The following CSMD1 variants were observed in gnomAD, a reference collection of about 807,000 sequenced individuals.
The protein encoded by CSMD1 is CUB and sushi domain-containing protein 1.
Under a neutral mutation model 417.5 loss-of-function variants are expected in CSMD1, and 213 were observed. The observed-to-expected ratio is 0.51, with a 90% CI of 0.46 to 0.57. The LOEUF is 0.57. Among genes scored for constraint, CSMD1 ranks in the 20% least tolerant of loss-of-function variants. The pLI is 0.00. For missense variants in CSMD1, 6,923 were observed against 4,529.7 expected (o/e 1.53, Z -15.17); for synonymous variants, 2,862 against 1,736.8 (o/e 1.65, Z -16.11).
intron 2 of CSMD1, among the ~76,000 whole-genome samples, chr8:4,623,580 G>A (rs1233813684): frequency 6.6e-6 from 1 of 151,848 alleles, no homozygotes; most frequent in Non-Finnish European, 1.5e-5. Context: ...GGTGAGGGGG[G>A]AACAAATGTC....
intron 3 of CSMD1, among the ~76,000 whole-genome samples, chr8:4,262,252 G>GACA (rs1563354463): frequency 3.9e-5 from 6 of 152,124 alleles, no homozygotes; most frequent in Admixed American, 3.3e-4. Context: ...TCCGGGGCAT[G>GACA]GTGGAGGATG....
chr8:4,168,016 C>G (rs548318838), intron 3 of CSMD1, among the ~76,000 whole-genome samples: 1 of 151,922 alleles, frequency 6.6e-6, no homozygotes, highest in African/African-American at 2.4e-5. Context: ...GTAATCCCAG[C>G]TAATCAGGAA....
At chr8:4,290,791 C>T (rs1421425006) in intron 3 of CSMD1, among the ~76,000 whole-genome samples, 1 of 152,102 alleles carries the variant, frequency 6.6e-6, no homozygotes, top group African/African-American at 2.4e-5. Context: ...TTTTGGTAAG[C>T]TTTTACTTTC....
chr8:4,186,568 G>A (rs570115627), intron 3 of CSMD1, among the ~76,000 whole-genome samples: 143 of 152,250 alleles, frequency 9.4e-4, no homozygotes, highest in African/African-American at 3.3e-3. Flanking sequence ...CGAAATAATA[G>A]GAAGGGTCTC....
intron 5 of CSMD1, among the ~76,000 whole-genome samples, chr8:3,979,040 C>A (rs1813653584): frequency 6.6e-6 from 1 of 152,158 alleles, no homozygotes; most frequent in South Asian, 2.1e-4. Flanking sequence ...ACACCTGGAC[C>A]ACAAGAAGTT....
intron 25 of CSMD1, among the ~76,000 whole-genome samples, chr8:3,290,560 G>C (rs1162506059): frequency 6.2e-5 from 9 of 145,978 alleles, no homozygotes; most frequent in East Asian, 4.0e-4. Flanking sequence ...AAGTTGGATT[G>C]CTAGGTATTT....
At chr8:3,792,105 G>A (rs1799781317) in intron 5 of CSMD1, among the ~76,000 whole-genome samples, 1 of 152,064 alleles carries the variant, frequency 6.6e-6, no homozygotes, top group Non-Finnish European at 1.5e-5. Context: ...CTGAGCCTGG[G>A]CCAAATAGGG....
intron 3 of CSMD1, among the ~76,000 whole-genome samples, chr8:4,037,546 G>C (rs982378415): frequency 6.6e-6 from 1 of 152,272 alleles, no homozygotes; most frequent in Admixed American, 6.5e-5. Context: ...ACACAAATCA[G>C]ACATAGCCTT....
At chr8:3,782,819 C>T (rs1336173468) in intron 5 of CSMD1, among the ~76,000 whole-genome samples, 1 of 152,104 alleles carries the variant, frequency 6.6e-6, no homozygotes, top group African/African-American at 2.4e-5. Flanking sequence ...AGAGGTTTTT[C>T]TAGCATGAAC....
At chr8:4,768,401 A>G (rs918399824) in intron 1 of CSMD1, among the ~76,000 whole-genome samples, 1 of 152,256 alleles carries the variant, frequency 6.6e-6, no homozygotes. Flanking sequence ...ATCCTTCCAT[A>G]CAGTCTGCCG....
rs144219529 is a variant in CSMD1 at position 4,739,963 on chromosome 8, A to C, written c.86-102405T>G. ...TTAAGCTCCATAGTCTGAGCTAGGGAAATAGCTGACTGGCCAGCCGCCTGC... is the reference window on the plus strand; with the variant it reads ...TTAAGCTCCATAGTCTGAGCTAGGGCAATAGCTGACTGGCCAGCCGCCTGC... On this transcript the variant is annotated intron_variant, in intron 1 of 69. Transcript: ENST00000635120. Among the ~76,000 whole-genome samples the C allele has an allele frequency of 5.3e-3, 807 of 152,204 alleles. 6 individuals carry two copies. The highest frequency in any genetic ancestry group is 0.02 in the Middle Eastern group (6 of 294).
intron 1 of CSMD1, among the ~76,000 whole-genome samples, chr8:4,858,099 G>C (rs1056035062): frequency 1.3e-5 from 2 of 152,006 alleles, no homozygotes; most frequent in African/African-American, 2.4e-5. Flanking sequence ...GGGATGCAAG[G>C]CTGGTTCAAT....
intron 1 of CSMD1, among the ~76,000 whole-genome samples, chr8:4,881,526 GAAGT>G (rs1803399570): frequency 7.7e-5 from 8 of 104,326 alleles, no homozygotes; most frequent in South Asian, 3.9e-4. Flanking sequence ...TCAGAAACTC[GAAGT>G]TAGTTTTTTT....
At chr8:4,410,480 A>G (rs1258398727) in intron 3 of CSMD1, among the ~76,000 whole-genome samples, 3 of 152,226 alleles carry the variant, frequency 2.0e-5, no homozygotes, top group Non-Finnish European at 4.4e-5. Flanking sequence ...GTTTAAATAG[A>G]AAGTCATCTG....
chr8:4,162,364 T>A (rs1481043103), intron 3 of CSMD1, among the ~76,000 whole-genome samples: 1 of 152,196 alleles, frequency 6.6e-6, no homozygotes, highest in Non-Finnish European at 1.5e-5. Flanking sequence ...GTAATTTTGA[T>A]GTTCAAATGT....
At chr8:4,215,016 C>T (rs1233515026) in intron 3 of CSMD1, among the ~76,000 whole-genome samples, 1 of 152,134 alleles carries the variant, frequency 6.6e-6, no homozygotes, top group African/African-American at 2.4e-5. Flanking sequence ...AAGTTCAATT[C>T]TGCCTCAGTT....
chr8:4,344,722 G>C (rs1204844954), intron 3 of CSMD1, among the ~76,000 whole-genome samples: 1 of 151,980 alleles, frequency 6.6e-6, no homozygotes, highest in African/African-American at 2.4e-5. Context: ...ATCCATCATT[G>C]AGCAAAAGAA....
chr8:4,009,967 C>T (rs1400177679), intron 4 of CSMD1, among the ~76,000 whole-genome samples: 1 of 152,184 alleles, frequency 6.6e-6, no homozygotes, highest in Non-Finnish European at 1.5e-5. Flanking sequence ...TCTAAAAGAT[C>T]TACACATCTT....
rs184988982 is a variant in CSMD1 at position 4,672,655 on chromosome 8, C to T, written c.86-35097G>A. 2.8e-3 allele frequency among the ~76,000 whole-genome samples: 424 copies of T among 151,202 alleles called. 3 individuals are homozygous for T. Among genetic ancestry groups the T allele is most frequent in the Non-Finnish European group, 2.7e-3 (180 of 67,514 alleles). On this transcript the variant is annotated intron_variant, in intron 1 of 69. Transcript: ENST00000635120. ...ATAAAATAACAAATAATGCCAGGTG[C>T]TTGAAAAAGTTTTGGGAGAAAGGGG...
Sources: gnomAD v4.1 joint callset for allele counts (sites outside exome capture counted in the v4.1 genomes callset) on GRCh38, gnomAD v4.1.1 for gene constraint, MANE v1.5 for transcripts, NCBI Gene and HGNC (gene_info 2026-07-23, HGNC 2026-07-21) for gene names.